The following ABCA13 variants were observed in gnomAD, a reference collection of about 807,000 sequenced individuals.
ABCA13 encodes the protein ATP binding cassette subfamily A member 13, also known as ATP-binding cassette sub-family A member 13.
Under a neutral mutation model 478.7 loss-of-function variants are expected in ABCA13, and 476 were observed. The ratio of observed to expected loss-of-function variants is 0.99; its 90% CI spans 0.92 to 1.07. The LOEUF is 1.07. ABCA13 is among the 50% of genes least tolerant of loss of function. The probability of loss-of-function intolerance (pLI) is 0.00; values close to 1 mark genes in which losing one functional copy is unlikely to be tolerated. For synonymous variants in ABCA13, 2,252 were observed against 2,158.9 expected, an observed-to-expected ratio of 1.04 and a Z score of -1.20; for missense variants, 6,060 against 5,910.6, an observed-to-expected ratio of 1.03 and a Z score of -0.83.
chr7:48,614,643 C>A (rs1792369645), intron 58 of ABCA13, among the ~76,000 whole-genome samples: 1 of 150,268 alleles, frequency 6.7e-6, no homozygotes, highest in Admixed American at 6.8e-5. Context: ...CCCAAATGTC[C>A]AACAATGATA....
intron 20 of ABCA13, among the ~76,000 whole-genome samples, chr7:48,289,062 G>A (rs557824941): frequency 2.0e-5 from 3 of 152,242 alleles, no homozygotes; most frequent in South Asian, 2.1e-4. Flanking sequence ...AGATGATGCC[G>A]AGAGAGATGA....
At chr7:48,594,364 A>T (rs1397492770) in intron 57 of ABCA13, among the ~76,000 whole-genome samples, 1 of 150,660 alleles carries the variant, frequency 6.6e-6, no homozygotes. Context: ...TCTCTATTAT[A>T]TTTTTTATTT....
chr7:48,541,680 C>G (rs902103933), intron 55 of ABCA13, among the ~76,000 whole-genome samples: 1 of 149,874 alleles, frequency 6.7e-6, no homozygotes, highest in Admixed American at 6.7e-5. Flanking sequence ...ATCAATGAGA[C>G]AGAACATAAA....
intron 23 of ABCA13, among the ~76,000 whole-genome samples, chr7:48,305,467 G>A (rs943680668): frequency 1.3e-5 from 2 of 152,114 alleles, no homozygotes; most frequent in African/African-American, 4.8e-5. Flanking sequence ...AAATACCTGC[G>A]CTCCTTTCAT....
chr7:48,338,028 A>G (rs1806537839), intron 28 of ABCA13, among the ~76,000 whole-genome samples: 1 of 152,224 alleles, frequency 6.6e-6, no homozygotes, highest in South Asian at 2.1e-4. Context: ...GGGAAAGGCC[A>G]TGCAAAGGAA....
intron 15 of ABCA13, among the ~76,000 whole-genome samples, chr7:48,263,508 T>A (rs1251767078): frequency 6.6e-6 from 1 of 151,894 alleles, no homozygotes; most frequent in African/African-American, 2.4e-5. Flanking sequence ...TAATTACTTT[T>A]ACCCTTGGTA....
At chr7:48,172,372 C>T (rs1794200238) in intron 1 of ABCA13, among the ~76,000 whole-genome samples, 2 of 152,196 alleles carry the variant, frequency 1.3e-5, no homozygotes, top group African/African-American at 4.8e-5. Flanking sequence ...CATTGAATTA[C>T]ATTTTGCTGA....
At chr7:48,299,533 A>G (rs1326256632) in intron 23 of ABCA13, among the ~76,000 whole-genome samples, 1 of 152,212 alleles carries the variant, frequency 6.6e-6, no homozygotes, top group Non-Finnish European at 1.5e-5. Context: ...CCTACCTCGC[A>G]TGATGCCTTA....
intron 55 of ABCA13, among the ~76,000 whole-genome samples, chr7:48,533,377 G>T (rs1192535965): frequency 6.6e-6 from 1 of 151,928 alleles, no homozygotes; most frequent in Non-Finnish European, 1.5e-5. Flanking sequence ...ATATAATTGT[G>T]ATTTTCTTAA....
At chr7:48,469,544 A>G (rs568350396) in intron 44 of ABCA13, among the ~76,000 whole-genome samples, 2 of 152,268 alleles carry the variant, frequency 1.3e-5, no homozygotes, top group African/African-American at 4.8e-5. Context: ...AGTCACCTCA[A>G]TGGCAGGGTA....
In ABCA13 at chr7:48,335,491, C is replaced by T; in HGVS notation, c.10069C>T (p.Leu3357Phe). ...LSETLLEMSS[L>F]FQRSGSGQMF... ...AGAAACACTGCTGGAAATGTCCAGC[C>T]TTTTCCAGAGAAGTGGAAGTGGCCA... The change falls in exon 28 of 62, where the codon CTT becomes TTT. Residue 3357 changes from leucine (L) to phenylalanine (F), a missense_variant. This residue lies in a region of ABCA13 where 4,423 missense variants were observed against 4,309.1 expected (regional missense o/e 1.03). Coordinates refer to ENST00000435803, the MANE Select transcript of ABCA13 (RefSeq NM_152701.5). The T allele has an allele frequency of 1.2e-6, 2 of 1,613,454 alleles. No individual in the cohort carries two copies. Among genetic ancestry groups the T allele is most frequent in the Non-Finnish European group, 1.7e-6 (2 of 1,179,596 alleles).
chr7:48,559,428 C>A (rs557999779), intron 55 of ABCA13, among the ~76,000 whole-genome samples: 5 of 152,166 alleles, frequency 3.3e-5, no homozygotes, highest in African/African-American at 4.8e-5. Context: ...CAGTGGGCTC[C>A]CTTCTGGTCC....
chr7:48,637,162 C>T (rs1794704757), intron 59 of ABCA13, among the ~76,000 whole-genome samples: 1 of 151,674 alleles, frequency 6.6e-6, no homozygotes, highest in African/African-American at 2.4e-5. Flanking sequence ...CAGAGCACCC[C>T]CTTCCTTATG....
intron 1 of ABCA13, among the ~76,000 whole-genome samples, chr7:48,180,445 A>T (rs1197464074): frequency 6.6e-6 from 1 of 151,934 alleles, no homozygotes; most frequent in East Asian, 1.9e-4. Flanking sequence ...TTTGAGATGG[A>T]GTTTTTCTCT....
At chr7:48,233,109 C>T (rs1243885951) in intron 7 of ABCA13, among the ~76,000 whole-genome samples, 6 of 151,902 alleles carry the variant, frequency 3.9e-5, no homozygotes, top group Non-Finnish European at 7.4e-5. Context: ...GGGATTTTCC[C>T]CATCTTTAAC....
At chr7:48,418,933 T>C (rs1429862268) in intron 41 of ABCA13, among the ~76,000 whole-genome samples, 1 of 152,228 alleles carries the variant, frequency 6.6e-6, no homozygotes, top group African/African-American at 2.4e-5. Context: ...AGAGGTTTAA[T>C]TGGCTCAAGG....
At position 48,293,192 on chromosome 7, in the gene ABCA13, G is replaced by GCCCCCCCCCCCCCC. The variant is rs367570188; in HGVS notation, c.8956-2498_8956-2497insCCCCCCCCCCCCCC. ...TTCATCATTTCCTGAGAAGTCTTCA[G>GCCCCCCCCCCCCCC]CCCCCCCCCCGCCACACACACACTA... On this transcript the variant is annotated intron_variant, in intron 20 of 61. Coordinates refer to ENST00000435803, the MANE Select transcript of ABCA13 (RefSeq NM_152701.5). Among the ~76,000 whole-genome samples the GCCCCCCCCCCCCCC allele has an allele frequency of 6.2e-4, 67 of 108,272 alleles. 3 individuals are homozygous for GCCCCCCCCCCCCCC. The highest frequency in any genetic ancestry group is 1.3e-3 in the South Asian group (3 of 2,342). The allele number at this position is 108,272 out of a possible 152,430, so 71.0% of individuals were successfully genotyped here. A position where few individuals can be genotyped will look rare whatever the true frequency, so the allele number is the denominator to read the frequency against.
intron 55 of ABCA13, among the ~76,000 whole-genome samples, chr7:48,577,872 T>C (rs1788334421): frequency 6.6e-6 from 1 of 152,114 alleles, no homozygotes; most frequent in Non-Finnish European, 1.5e-5. Context: ...AAGAATTATA[T>C]ACTATGACAA....
chr7:48,189,505 A>G (rs1460552465), intron 1 of ABCA13, among the ~76,000 whole-genome samples: 1 of 152,194 alleles, frequency 6.6e-6, no homozygotes, highest in Non-Finnish European at 1.5e-5. Flanking sequence ...TTGTAAATAA[A>G]ACACTCTGAG....
Sources: allele counts gnomAD v4.1 joint callset (sites outside exome capture counted in the v4.1 genomes callset), GRCh38; gene constraint gnomAD v4.1.1; regional missense constraint gnomAD v4.1.1; transcripts MANE v1.5; gene names NCBI Gene and HGNC (gene_info 2026-07-23, HGNC 2026-07-21).